CHD5: variants seen among roughly 807,000 people sequenced by gnomAD.
The protein encoded by CHD5 is ATP-dependent chromatin remodeler CHD5.
In CHD5, 69 loss-of-function variants were observed where a neutral mutation model predicts 230.3. The ratio of observed to expected loss-of-function variants is 0.30; its 90% CI spans 0.25 to 0.37. The LOEUF (loss-of-function observed/expected upper bound fraction) is 0.37. Ranked by LOEUF, CHD5 falls within the 10% of genes least tolerant of loss-of-function variation. The pLI is 1.00. For missense variants in CHD5, 1,827 were observed against 2,622.8 expected, an observed-to-expected ratio of 0.70 and a Z score of 6.63; for synonymous variants, 1,064 against 1,065.9, an observed-to-expected ratio of 1.00 and a Z score of 0.03.
Position 6,106,376 on chromosome 1 carries a change from G to A in CHD5, c.5857+19C>T, listed in dbSNP as rs571769738. 30 of 1,606,902 alleles carry A rather than the reference G, an allele frequency of 1.9e-5. No individual in the cohort carries two copies. Among genetic ancestry groups the A allele is most frequent in the African/African-American group, 6.7e-5 (5 of 74,952 alleles). The stretch of plus-strand genomic sequence containing the variant: ...GCGGGCACCCGTGTGCATGCTGCCC[G>A]GAGCGGACGGGCACCTACCGGTCAC... On this transcript the variant is annotated intron_variant, in intron 40 of 41. Transcript: ENST00000262450.
intron 6 of CHD5, among the ~76,000 whole-genome samples, chr1:6,152,011 C>A (rs753093831): frequency 2.2e-4 from 33 of 151,972 alleles, no homozygotes; most frequent in Non-Finnish European, 3.5e-4. Flanking sequence ...AGGGTCCAGC[C>A]CCCACCCAAC....
At chr1:6,162,921 G>A (rs1024518627) in intron 2 of CHD5, among the ~76,000 whole-genome samples, 6 of 152,162 alleles carry the variant, frequency 3.9e-5, no homozygotes, top group African/African-American at 7.2e-5. Context: ...TCCCCTCGGC[G>A]ACCTGCAGGG....
chr1:6,134,488 C>T lies in CHD5; in HGVS notation c.3013-229G>A, dbSNP rs1002202454. 3.9e-4 allele frequency among the ~76,000 whole-genome samples: 59 copies of T among 152,316 alleles called. No homozygotes were observed. The highest frequency in any genetic ancestry group is 8.5e-4 in the Admixed American group (13 of 15,308). On this transcript the variant is annotated intron_variant, in intron 19 of 41. Coordinates refer to ENST00000262450, the MANE Select transcript of CHD5 (RefSeq NM_015557.3). This position sits in a 1 kb window ranked among gnomAD's most constrained non-coding sequence, Gnocchi z 6.3. ...CCCGTTCCCAGGCAGGGCTCACAGC[C>T]GCACCAGCCCTACCACAGCAGCGGG...
intron 15 of CHD5, among the ~76,000 whole-genome samples, chr1:6,138,648 G>A (rs997906333): frequency 3.3e-5 from 5 of 152,162 alleles, no homozygotes; most frequent in Non-Finnish European, 4.4e-5. Flanking sequence ...GCCGAGCATC[G>A]GTCTCCTCGC....
Position 6,180,152 on chromosome 1 carries a change from C to T in CHD5, c.-129G>A, listed in dbSNP as rs1370202939. On this transcript the variant is annotated 5_prime_UTR_variant, in exon 1 of 42. Coordinates refer to ENST00000262450, the MANE Select transcript of CHD5 (RefSeq NM_015557.3). ...GGCCTCGGCGAGAAGATGGCGGCCG[C>T]CTGCCCCCCCACCCCCCCAAACCTC... is the stretch of plus-strand genomic sequence containing the variant. 4.6e-6 allele frequency: 1 copy of T among 215,092 alleles called. No individual in the cohort carries two copies. Among genetic ancestry groups the T allele is most frequent in the African/African-American group, 2.4e-5 (1 of 40,830 alleles). 13.3% of individuals were successfully genotyped at this position (215,092 alleles called of 1,614,324 possible).
chr1:6,137,144 C>T (rs1666758801), intron 15 of CHD5, among the ~76,000 whole-genome samples: 1 of 152,040 alleles, frequency 6.6e-6, no homozygotes, highest in South Asian at 2.1e-4. Flanking sequence ...CTTACTCCCA[C>T]CCCCCAGCGT....
chr1:6,159,371 C>T lies in CHD5; in HGVS notation c.352G>A (p.Glu118Lys). The T allele has an allele frequency of 3.2e-6, 5 of 1,551,992 alleles. No homozygotes were observed. Among genetic ancestry groups the T allele is most frequent in the Non-Finnish European group, 4.4e-6 (5 of 1,146,996 alleles). The change falls in exon 3 of 42, where the codon GAG (glutamate) becomes AAG (lysine). Residue 118 changes from glutamate to lysine, a missense_variant. Physicochemically the swap from Glu to Lys is moderately conservative, Grantham distance 56. Around this residue, in one of 14 missense-constraint regions of CHD5, gnomAD observed 657 missense variants for 816.4 expected, o/e 0.80. Coordinates refer to ENST00000262450, the MANE Select transcript of CHD5 (RefSeq NM_015557.3). ...CCATCATCATTATCATCCTCATCCT[C>T]ATCCTTCTTTTTTCGCTTGGCTTTT... ...EKKAKRKKKDEDEDDNDDGCL... is the reference protein window; with the variant it reads ...EKKAKRKKKDKDEDDNDDGCL...
At chr1:6,149,693 GATGA>G (rs1666970115) in intron 7 of CHD5, among the ~76,000 whole-genome samples, 1 of 146,206 alleles carries the variant, frequency 6.8e-6, no homozygotes, top group Non-Finnish European at 1.5e-5. Context: ...TGGATGGATA[GATGA>G]ATGGATGGAC....
intron 2 of CHD5, among the ~76,000 whole-genome samples, chr1:6,160,450 A>G (rs1383046383): frequency 2.7e-5 from 4 of 150,174 alleles, no homozygotes; most frequent in African/African-American, 9.8e-5. Context: ...CAGCCAGGGA[A>G]GGGCCCCAGC....
At chr1:6,177,232 G>T (rs912050277) in intron 1 of CHD5, among the ~76,000 whole-genome samples, 1 of 152,204 alleles carries the variant, frequency 6.6e-6, no homozygotes, top group South Asian at 2.1e-4. Flanking sequence ...GTCTTTGGGG[G>T]TCACCGCCAC....
chr1:6,179,849 G>T (rs1325076131), intron 1 of CHD5, 96 bp downstream of exon 1: 3 of 500,504 alleles, frequency 6.0e-6, no homozygotes, highest in Non-Finnish European at 7.6e-6. Context: ...GCGCCAGCCC[G>T]GCCGCGCCGC....
At chr1:6,124,195 C>T in intron 30 of CHD5, 88 bp from the exon 31 acceptor site, 1 of 1,262,370 alleles carries the variant, frequency 7.9e-7, no homozygotes, top group Non-Finnish European at 1.1e-6. Context: ...GCCAGGGGGG[C>T]TGAAAGTGTC....
Position 6,125,596 on chromosome 1 carries a change from G to A in CHD5, c.4188C>T (p.Ser1396=), listed in dbSNP as rs932109197. 6.2e-7 allele frequency: 1 copy of A among 1,608,458 alleles called. No individual in the cohort carries two copies. The highest frequency in any genetic ancestry group is 8.5e-7 in the Non-Finnish European group (1 of 1,177,278). The change falls in exon 28 of 42, where the codon TCC becomes TCT. Residue 1396 remains serine, a synonymous_variant. Transcript: ENST00000262450. The surrounding 1 kb of genome is among the most constrained non-coding windows in gnomAD (Gnocchi z 6.7). The part of the protein sequence containing the change: ...RPEGQSGRRQ[S]RRQLKSDRDK... ...CCCTGTCACTCTTCAGCTGCCTCCG[G>A]GATTGTCGTCGTCCACCTGGGGAGC...
chr1:6,127,136 G>A, intron 25 of CHD5: 1 of 225,656 alleles, frequency 4.4e-6, no homozygotes, highest in South Asian at 6.6e-5. Context: ...GCCTCCAGGA[G>A]AGACCCACAA....
chr1:6,129,480 C>T lies in CHD5; in HGVS notation c.3388-411G>A, dbSNP rs1219931001. 6.6e-6 allele frequency among the ~76,000 whole-genome samples: 1 copy of T among 152,154 alleles called. No homozygotes were observed. Among genetic ancestry groups the T allele is most frequent in the East Asian group, 1.9e-4 (1 of 5,172 alleles). The stretch of plus-strand genomic sequence containing the variant: ...AAGACCATGTGCTGGAGACACGCAG[C>T]CACCTTCTGAGGGCAGCAAGGAGCT... On this transcript the variant is annotated intron_variant, in intron 22 of 41. Transcript: ENST00000262450. The surrounding 1 kb of genome is among the most constrained non-coding windows in gnomAD (Gnocchi z 6.8).
chr1:6,109,787 T>C lies in CHD5; in HGVS notation c.5578+8A>G. The C allele has an allele frequency of 6.2e-7, 1 of 1,610,304 alleles. No individual in the cohort carries two copies. Among genetic ancestry groups the C allele is most frequent in the Non-Finnish European group, 8.5e-7 (1 of 1,178,578 alleles). ...GGGGCTGCACCGTGGGGGGCAGGAC[T>C]TGCTCACCCTTGTGCAGGACGGCAT... On this transcript the variant is annotated splice_region_variant and intron_variant, in intron 38 of 41. Transcript: ENST00000262450.
At position 6,149,013 on chromosome 1, in the gene CHD5, G is replaced by A. The variant is rs1372147494; in HGVS notation, c.1224C>T (p.Cys408=). The change falls in exon 9 of 42, where the codon TGC becomes TGT. Residue 408 remains cysteine (C), a synonymous_variant. Transcript: ENST00000262450. ...DDDDEEEEGG[C]EEEEDDHMEF... ...CCATGTGGTCGTCCTCCTCCTCCTC[G>A]CAGCCGCCCTCCTCCTCTTCATCGT... is the stretch of plus-strand genomic sequence containing the variant. The A allele has an allele frequency of 3.1e-6, 5 of 1,602,436 alleles. No homozygotes were observed. In the African/African-American group the frequency reaches 4.0e-5, roughly 13 times the overall value.
At chr1:6,151,187 G>C (rs370294207) in intron 6 of CHD5, 32 bp from the exon 7 acceptor site, 4 of 1,584,300 alleles carry the variant, frequency 2.5e-6, no homozygotes, top group African/African-American at 1.3e-5. Context: ...TGTGATCCCA[G>C]GGCTTCACCC....
At position 6,146,238 on chromosome 1, in the gene CHD5, C is replaced by T; in HGVS notation, c.1776G>A (p.Met592Ile). The change falls in exon 11 of 42, where the codon ATG (methionine) becomes ATA (isoleucine). Residue 592 changes from methionine (M) to isoleucine (I), a missense_variant. By Grantham distance (10) the Met-to-Ile change is conservative. Coordinates refer to ENST00000262450, the MANE Select transcript of CHD5 (RefSeq NM_015557.3). The surrounding 1 kb of genome is among the most constrained non-coding windows in gnomAD (Gnocchi z 5.1). ...TATGGTTCAGGATTCGGTGAATCAT[C>T]ATCCACTCTGGCTTGATGCCATAGC... ...FYRYGIKPEWMMIHRILNHSF... is the reference protein window; with the variant it reads ...FYRYGIKPEWIMIHRILNHSF... 1 of 1,614,176 alleles carries T rather than the reference C, an allele frequency of 6.2e-7. No individual in the cohort carries two copies. The highest frequency in any genetic ancestry group is 8.5e-7 in the Non-Finnish European group (1 of 1,180,018).
Sources: allele counts gnomAD v4.1 joint callset (sites outside exome capture counted in the v4.1 genomes callset), GRCh38; gene constraint gnomAD v4.1.1; regional missense constraint gnomAD v4.1.1; non-coding constraint Gnocchi (gnomAD v3.1); transcripts MANE v1.5; gene names NCBI Gene and HGNC (gene_info 2026-07-23, HGNC 2026-07-21).